BRI3BP: variants seen among roughly 807,000 people sequenced by gnomAD.
The protein encoded by BRI3BP is BRI3-binding protein.
BRI3BP carries 7 observed loss-of-function variants against 15.8 expected under a neutral mutation model. The observed-to-expected ratio is 0.44, with a 90% CI of 0.25 to 0.83. BRI3BP has a LOEUF of 0.83. BRI3BP is among the 40% of genes least tolerant of loss of function. BRI3BP has a pLI of 0.20. For missense variants in BRI3BP, 320 were observed against 339.3 expected (o/e 0.94, Z 0.45); for synonymous variants, 192 against 163.5 (o/e 1.17, Z -1.33).
chr12:125,008,831 C>T (rs997156240), intron 1 of BRI3BP, among the ~76,000 whole-genome samples: 4 of 152,110 alleles, frequency 2.6e-5, no homozygotes, highest in African/African-American at 9.7e-5. Context: ...GAGCACTGAG[C>T]TTGTTTTCCT....
At chr12:125,018,322 AC>A (rs1955264918) in intron 2 of BRI3BP, among the ~76,000 whole-genome samples, 1 of 151,996 alleles carries the variant, frequency 6.6e-6, no homozygotes, top group African/African-American at 2.4e-5. Flanking sequence ...TGAAGTCCTA[AC>A]CCCCAGAGCC....
At chr12:124,996,280 T>C (rs887705738) in intron 1 of BRI3BP, among the ~76,000 whole-genome samples, 46 of 151,756 alleles carry the variant, frequency 3.0e-4, no homozygotes, top group African/African-American at 1.0e-3. Context: ...GTTTTGTTAA[T>C]TTTATGGGTT....
rs1203747960 is a variant in BRI3BP, at chr12:125,031,118, T to G, written c.*5688T>G. The G allele has an allele frequency of 1.3e-5, 2 of 152,210 alleles. No individual in the cohort carries two copies. The highest frequency in any genetic ancestry group is 3.8e-4 in the East Asian group (2 of 5,206). 9.4% of individuals were successfully genotyped at this position (152,210 alleles called of 1,614,324 possible). A position where few individuals can be genotyped will look rare whatever the true frequency, so the allele number is the denominator to read the frequency against. On this transcript the variant is annotated 3_prime_UTR_variant, in exon 3 of 3. Transcript: ENST00000341446. ...CACTGGCTTTGGTGTTATGTAGAGA[T>G]ATTTGTAGATCTCAGAACAGAATTA...
In BRI3BP at chr12:125,025,785, A is replaced by C. The variant is rs922380024; in HGVS notation, c.*355A>C. On this transcript the variant is annotated 3_prime_UTR_variant, in exon 3 of 3. Coordinates refer to ENST00000341446, the MANE Select transcript of BRI3BP (RefSeq NM_080626.6). The stretch of plus-strand genomic sequence containing the variant: ...CATCTTTTGTAAGGTTTTTTAATAA[A>C]GGCAGATTGAGTCAAGTTTATTAAA... The C allele has an allele frequency of 1.1e-5, 2 of 186,128 alleles. No individual in the cohort carries two copies. The highest frequency in any genetic ancestry group is 1.1e-5 in the Non-Finnish European group (1 of 91,138). 11.5% of individuals were successfully genotyped at this position (186,128 alleles called of 1,614,324 possible).
chr12:125,000,778 A>G (rs1955084547), intron 1 of BRI3BP, among the ~76,000 whole-genome samples: 1 of 152,310 alleles, frequency 6.6e-6, no homozygotes, highest in African/African-American at 2.4e-5. Flanking sequence ...ACACATGCAC[A>G]CACATTTATT....
chr12:125,012,765 A>C (rs941598872), intron 2 of BRI3BP, 129 bp downstream of exon 2: 4 of 707,464 alleles, frequency 5.7e-6, no homozygotes, highest in South Asian at 5.0e-5. Context: ...GATATGAGTG[A>C]ACATTTTTTA....
chr12:125,009,370 A>G (rs1337651967), intron 1 of BRI3BP, among the ~76,000 whole-genome samples: 1 of 140,648 alleles, frequency 7.1e-6, no homozygotes, highest in East Asian at 2.1e-4. Context: ...GCTCATTGCA[A>G]CCTCTGCCTC....
At position 124,993,677 on chromosome 12, in the gene BRI3BP, TA is replaced by T; in HGVS notation, c.-111del. 1 of 544,706 alleles carries T rather than the reference TA, an allele frequency of 1.8e-6. No homozygotes were observed. The highest frequency in any genetic ancestry group is 2.3e-6 in the Non-Finnish European group (1 of 430,666). The allele number at this position is 544,706 out of a possible 1,614,324, so 33.7% of individuals were successfully genotyped here. A position where few individuals can be genotyped will look rare whatever the true frequency, so the allele number is the denominator to read the frequency against. ...CAGCAGCGGCGGCGGCGGCTGTGGG[TA>T]AAGGCGCGGCGCGCGGCCCCCGAGC... On this transcript the variant is annotated 5_prime_UTR_variant, in exon 1 of 3. Coordinates refer to ENST00000341446, the MANE Select transcript of BRI3BP (RefSeq NM_080626.6).
At chr12:125,007,926 T>G (rs1955159657) in intron 1 of BRI3BP, among the ~76,000 whole-genome samples, 1 of 152,184 alleles carries the variant, frequency 6.6e-6, no homozygotes, top group Admixed American at 6.6e-5. Context: ...TTTAGTGCAG[T>G]GGCGCTCTGA....
the BRI3BP span, among the ~76,000 whole-genome samples, chr12:125,041,861 G>A: frequency 6.6e-6 from 1 of 152,116 alleles, no homozygotes; most frequent in Non-Finnish European, 1.5e-5. Context: ...CCTGGCTAAT[G>A]TTTTAACTTT....
chr12:125,049,043 C>T, the BRI3BP span, among the ~76,000 whole-genome samples: 1 of 152,126 alleles, frequency 6.6e-6, no homozygotes, highest in South Asian at 2.1e-4. Context: ...ACTGCAACAT[C>T]CACCTCCCGG....
Position 124,993,671 on chromosome 12 carries a change from T to G in BRI3BP, c.-120T>G. 2.1e-6 allele frequency: 1 copy of G among 470,338 alleles called. No homozygotes were observed. Among genetic ancestry groups the G allele is most frequent in the Non-Finnish European group, 2.8e-6 (1 of 362,140 alleles). 29.1% of individuals were successfully genotyped at this position (470,338 alleles called of 1,614,324 possible). A position where few individuals can be genotyped will look rare whatever the true frequency, so the allele number is the denominator to read the frequency against. ...GTGGCGCAGCAGCGGCGGCGGCGGC[T>G]GTGGGTAAAGGCGCGGCGCGCGGCC... On this transcript the variant is annotated 5_prime_UTR_variant, in exon 1 of 3. Transcript: ENST00000341446.
intron 1 of BRI3BP, among the ~76,000 whole-genome samples, chr12:125,005,148 G>A (rs896995837): frequency 4.6e-5 from 7 of 152,006 alleles, no homozygotes; most frequent in Admixed American, 1.3e-4. Context: ...GCGCCCAGCC[G>A]GTCAGGGATT....
chr12:125,033,769 GTC>G (rs1463758545), downstream of BRI3BP, among the ~76,000 whole-genome samples: 1 of 149,926 alleles, frequency 6.7e-6, no homozygotes, highest in Non-Finnish European at 1.5e-5. Context: ...TTGAAACAGA[GTC>G]TCATTCTGTC....
intron 1 of BRI3BP, among the ~76,000 whole-genome samples, chr12:125,003,162 G>T (rs1955110457): frequency 6.6e-6 from 1 of 152,194 alleles, no homozygotes; most frequent in Non-Finnish European, 1.5e-5. Context: ...TGCCCTCATG[G>T]CCTGATTTTC....
intron 1 of BRI3BP, among the ~76,000 whole-genome samples, chr12:125,007,200 G>GC (rs35956578): frequency 0.067 from 10,151 of 150,974 alleles, 867 homozygotes; most frequent in African/African-American, 0.19. Flanking sequence ...CTCTGTCTCC[G>GC]CCCCCCCCAA....
At chr12:125,038,962 C>T in the BRI3BP span, among the ~76,000 whole-genome samples, 2 of 149,728 alleles carry the variant, frequency 1.3e-5, no homozygotes, top group South Asian at 2.1e-4. Context: ...TGGTGGCCGG[C>T]GCCTGTAATC....
At chr12:125,008,169 G>A (rs1190839606) in intron 1 of BRI3BP, among the ~76,000 whole-genome samples, 3 of 152,006 alleles carry the variant, frequency 2.0e-5, no homozygotes, top group Non-Finnish European at 4.4e-5. Flanking sequence ...GATGTGTACC[G>A]TGACATGGAA....
chr12:125,013,824 G>A (rs1046767797), intron 2 of BRI3BP, among the ~76,000 whole-genome samples: 2 of 152,126 alleles, frequency 1.3e-5, no homozygotes, highest in Admixed American at 6.5e-5. Context: ...GGTGAGGCAC[G>A]GCCCCTCCCT....
Sources: allele counts gnomAD v4.1 joint callset (sites outside exome capture counted in the v4.1 genomes callset), GRCh38; gene constraint gnomAD v4.1.1; transcripts MANE v1.5; gene names NCBI Gene and HGNC (gene_info 2026-07-23, HGNC 2026-07-21).